The following ZNF133 variants were observed in gnomAD, a reference collection of about 807,000 sequenced individuals.
ZNF133 encodes zinc finger protein 133 (clone pHZ-13).
ZNF133 carries 26 observed loss-of-function variants against 54.9 expected under a neutral mutation model. The ratio of observed to expected loss-of-function variants is 0.47; its 90% confidence interval spans 0.35 to 0.66. The LOEUF is 0.66. ZNF133 is among the 30% of genes least tolerant of loss of function. The probability of loss-of-function intolerance (pLI) is 0.01; values close to 1 mark genes in which losing one functional copy is unlikely to be tolerated. For synonymous variants in ZNF133, 298 were observed against 320.3 expected, an observed-to-expected ratio of 0.93 and a Z score of 0.74; for missense variants, 653 against 820.8, an observed-to-expected ratio of 0.80 and a Z score of 2.50.
chr20:18,305,665 C>G lies in ZNF133; in HGVS notation c.-6-16C>G, dbSNP rs2044417285. 4.3e-6 allele frequency: 7 copies of G among 1,613,972 alleles called. No individual in the cohort carries two copies. The highest frequency in any genetic ancestry group is 5.1e-6 in the Non-Finnish European group (6 of 1,180,016). On this transcript the variant is annotated splice_polypyrimidine_tract_variant and intron_variant, in intron 4 of 6. Transcript: ENST00000425686. The surrounding 1 kb of genome is among the most constrained non-coding windows in gnomAD (Gnocchi z 4.7). ...GGCTGGCTTCTGAGTGAGCAGGGCTCAGTTTTGTGTTACAGGCACACATGG... is the reference window on the plus strand; with the variant it reads ...GGCTGGCTTCTGAGTGAGCAGGGCTGAGTTTTGTGTTACAGGCACACATGG...
rs2047428017 is a variant in ZNF133 at position 18,316,222 on chromosome 20, G to C, written c.1371G>C (p.Gln457His). Reference sequence around the variant, plus strand: ...TCAAGTCACACCTCAACAGACACCAGAACATACACTCAGGAGAGAAGCCCA... The same window carrying C: ...TCAAGTCACACCTCAACAGACACCACAACATACACTCAGGAGAGAAGCCCA... ...FSLKSHLNRHQNIHSGEKPIV... is the reference protein window; with the variant it reads ...FSLKSHLNRHHNIHSGEKPIV... The change falls in exon 7 of 7, where the codon CAG (glutamine) becomes CAC (histidine). Residue 457 changes from glutamine to histidine, a missense_variant. Coordinates refer to ENST00000425686, the MANE Select transcript of ZNF133 (RefSeq NM_001352452.2). 2.5e-6 allele frequency: 4 copies of C among 1,608,508 alleles called. No homozygotes were observed. The highest frequency in any genetic ancestry group is 2.5e-6 in the Non-Finnish European group (3 of 1,177,164).
At chr20:18,298,116 C>T (rs1170807529) in intron 2 of ZNF133, 54 bp downstream of exon 2, 1 of 1,534,922 alleles carries the variant, frequency 6.5e-7, no homozygotes, top group Non-Finnish European at 8.7e-7. Context: ...ACATTCCCTT[C>T]TCTTACCCTG....
At chr20:18,314,157 T>G (rs1421082705) in intron 6 of ZNF133, 1 of 152,222 alleles carries the variant, frequency 6.6e-6, no homozygotes, top group Non-Finnish European at 1.5e-5. Flanking sequence ...AATGTGGATG[T>G]GTACACTTTT....
At chr20:18,304,396 T>C (rs2044139889) in intron 3 of ZNF133, among the ~76,000 whole-genome samples, 1 of 152,200 alleles carries the variant, frequency 6.6e-6, no homozygotes, top group Admixed American at 6.5e-5. Flanking sequence ...AATTCCACTT[T>C]TGAGTGTATA....
chr20:18,289,519 G>C (rs1206400959), intron 1 of ZNF133, among the ~76,000 whole-genome samples: 15 of 152,086 alleles, frequency 9.9e-5, no homozygotes, highest in Admixed American at 7.9e-4. Flanking sequence ...CACCGTCACT[G>C]CCCTTACTGT....
intron 3 of ZNF133, among the ~76,000 whole-genome samples, chr20:18,301,182 G>A (rs2043287421): frequency 6.6e-6 from 1 of 152,120 alleles, no homozygotes. Flanking sequence ...TCTTAAACCA[G>A]TAGGTAGAGG....
Position 18,305,586 on chromosome 20 carries a change from C to T in ZNF133, c.-6-95C>T. 1 of 1,575,346 alleles carries T rather than the reference C, an allele frequency of 6.3e-7. No individual in the cohort carries two copies. Among genetic ancestry groups the T allele is most frequent in the Non-Finnish European group, 8.7e-7 (1 of 1,155,944 alleles). ...CAGGGTCACTGGGATCTTGATATCTCACCTGCCTCCCCCAGGGCAGCCTTA... is the reference window on the plus strand; with the variant it reads ...CAGGGTCACTGGGATCTTGATATCTTACCTGCCTCCCCCAGGGCAGCCTTA... On this transcript the variant is annotated intron_variant, in intron 4 of 6. Coordinates refer to ENST00000425686, the MANE Select transcript of ZNF133 (RefSeq NM_001352452.2). This position sits in a 1 kb window ranked among gnomAD's most constrained non-coding sequence, Gnocchi z 4.7.
At chr20:18,310,168 GA>G in intron 6 of ZNF133, 2 of 1,329,446 alleles carry the variant, frequency 1.5e-6, no homozygotes, top group South Asian at 2.3e-5. Flanking sequence ...TTAATTTAAA[GA>G]AAAACAGCAG....
In ZNF133 at chr20:18,315,892, A is replaced by G. The variant is rs777314776; in HGVS notation, c.1041A>G (p.Thr347=). The G allele has an allele frequency of 2.5e-6, 4 of 1,613,976 alleles. No homozygotes were observed. Among genetic ancestry groups the G allele is most frequent in the Middle Eastern group, 1.6e-4 (1 of 6,062 alleles). ...QKSAVVRHQR[T]HLEEKTIVCS... ...CAGCTGTCGTGAGACACCAGAGGACACACTTGGAGGAGAAGACCATCGTGT... is the reference window on the plus strand; with the variant it reads ...CAGCTGTCGTGAGACACCAGAGGACGCACTTGGAGGAGAAGACCATCGTGT... Residue 347 remains threonine, a synonymous_variant, in exon 7 of 7, where the codon ACA becomes ACG. Coordinates refer to ENST00000425686, the MANE Select transcript of ZNF133 (RefSeq NM_001352452.2).
chr20:18,312,930 A>C (rs2046425804), intron 6 of ZNF133: 1 of 152,092 alleles, frequency 6.6e-6, no homozygotes, highest in Non-Finnish European at 1.5e-5. Context: ...GGCTGGTCTC[A>C]AATTCCTGAC....
At chr20:18,304,958 C>A in intron 3 of ZNF133, 50 bp from the exon 4 acceptor site, 1 of 976,836 alleles carries the variant, frequency 1.0e-6, no homozygotes, top group African/African-American at 1.7e-5. Context: ...TTCTCCAAGA[C>A]CAAGTTGCCA....
chr20:18,289,360 A>C (rs2040376012), intron 1 of ZNF133, among the ~76,000 whole-genome samples: 1 of 152,182 alleles, frequency 6.6e-6, no homozygotes, highest in Non-Finnish European at 1.5e-5. Flanking sequence ...ATTCCATTTA[A>C]GTTTTTATTG....
At chr20:18,304,459 A>T (rs1436914211) in intron 3 of ZNF133, among the ~76,000 whole-genome samples, 3 of 152,242 alleles carry the variant, frequency 2.0e-5, no homozygotes, top group African/African-American at 4.8e-5. Context: ...ATGTGCATGG[A>T]AGAATAGCCA....
intron 6 of ZNF133, chr20:18,310,297 A>T: frequency 1.3e-6 from 2 of 1,533,092 alleles, no homozygotes. Context: ...CGGGAGGAAG[A>T]CTGTTCTAGG....
chr20:18,288,830 C>G (rs902831766), intron 1 of ZNF133, among the ~76,000 whole-genome samples: 3 of 152,014 alleles, frequency 2.0e-5, no homozygotes, highest in African/African-American at 7.2e-5. Context: ...GAAGCCCATC[C>G]GTGAAACTGG....
intron 1 of ZNF133, among the ~76,000 whole-genome samples, chr20:18,293,120 G>A (rs2041432033): frequency 6.6e-6 from 1 of 152,330 alleles, no homozygotes; most frequent in South Asian, 2.1e-4. Flanking sequence ...AAGGGTTCTG[G>A]TTATTGACTG....
At chr20:18,294,863 T>C (rs1402223029) in intron 1 of ZNF133, among the ~76,000 whole-genome samples, 2 of 152,236 alleles carry the variant, frequency 1.3e-5, no homozygotes, top group South Asian at 4.1e-4. Context: ...TGGAGTCTTT[T>C]TGCTAACATT....
chr20:18,306,378 C>A lies in ZNF133; in HGVS notation c.202C>A (p.Pro68Thr), dbSNP rs199780535. Residue 68 changes from proline (P) to threonine (T), a missense_variant, in exon 6 of 7, where the codon CCG becomes ACG. This residue lies in a region of ZNF133 where 227 missense variants were observed against 233.9 expected (regional missense o/e 0.97). Coordinates refer to ENST00000425686, the MANE Select transcript of ZNF133 (RefSeq NM_001352452.2). ...ETWREEKKCS[P>T]ATCPADPEPE... The stretch of plus-strand genomic sequence containing the variant: ...CTGGAGAGAGGAAAAAAAATGTTCA[C>A]CGGCAACCTGTCCAGGTGAGTGGGA... 4.3e-6 allele frequency: 7 copies of A among 1,613,306 alleles called. No individual in the cohort carries two copies. In the African/African-American group the frequency reaches 8.0e-5, roughly 18 times the overall value.
intron 6 of ZNF133, 47 bp downstream of exon 6, chr20:18,306,440 A>C: frequency 1.9e-6 from 3 of 1,579,248 alleles, no homozygotes; most frequent in Non-Finnish European, 2.6e-6. Context: ...TCAGCAGCTC[A>C]GAGGACTGGG....
Sources: gnomAD v4.1 joint callset for allele counts (sites outside exome capture counted in the v4.1 genomes callset) on GRCh38, gnomAD v4.1.1 for gene constraint, gnomAD v4.1.1 regional missense constraint, Gnocchi (gnomAD v3.1) non-coding constraint, MANE v1.5 for transcripts, NCBI Gene and HGNC (gene_info 2026-07-23, HGNC 2026-07-21) for gene names.